The following AIG1 variants were observed in gnomAD, a reference collection of about 807,000 sequenced individuals.
AIG1 encodes the protein androgen induced 1.
A neutral mutation model predicts 31.4 loss-of-function variants in AIG1; 23 were observed. The ratio of observed to expected loss-of-function variants is 0.73; its 90% CI spans 0.53 to 1.04. The LOEUF (loss-of-function observed/expected upper bound fraction) is 1.04. AIG1 is among the 50% of genes least tolerant of loss of function. The pLI is 0.00. For synonymous variants in AIG1, 100 were observed against 110.5 expected, an observed-to-expected ratio of 0.90 and a Z score of 0.60; for missense variants, 274 against 295.0, an observed-to-expected ratio of 0.93 and a Z score of 0.52.
At chr6:143,259,956 C>T (rs534484546) in intron 3 of AIG1, among the ~76,000 whole-genome samples, 1 of 151,270 alleles carries the variant, frequency 6.6e-6, no homozygotes, top group East Asian at 1.9e-4. Context: ...GCGTATGTGG[C>T]CAAAGCTGCA....
intron 1 of AIG1, among the ~76,000 whole-genome samples, chr6:143,090,024 T>G (rs1448762480): frequency 6.6e-6 from 1 of 152,244 alleles, no homozygotes; most frequent in Non-Finnish European, 1.5e-5. Flanking sequence ...TTGTTACACA[T>G]GTGTGACCAG....
At chr6:143,097,754 T>G (rs530682025) in intron 1 of AIG1, among the ~76,000 whole-genome samples, 1 of 152,228 alleles carries the variant, frequency 6.6e-6, no homozygotes, top group East Asian at 1.9e-4. Context: ...CATGGTGACC[T>G]TGCTGCTTGT....
intron 3 of AIG1, among the ~76,000 whole-genome samples, chr6:143,213,144 C>T (rs1455381689): frequency 6.6e-6 from 1 of 152,070 alleles, no homozygotes; most frequent in Non-Finnish European, 1.5e-5. Context: ...AAGTGGAAAT[C>T]GTTTTAATGT....
At chr6:143,253,298 T>C (rs1795145902) in intron 3 of AIG1, among the ~76,000 whole-genome samples, 1 of 152,214 alleles carries the variant, frequency 6.6e-6, no homozygotes, top group African/African-American at 2.4e-5. Flanking sequence ...TCAGTATGAT[T>C]TTCTTTATAC....
intron 4 of AIG1, among the ~76,000 whole-genome samples, chr6:143,317,176 T>C (rs1775824858): frequency 6.6e-6 from 1 of 152,064 alleles, no homozygotes; most frequent in South Asian, 2.1e-4. Context: ...AGTATCACCC[T>C]AATACCAAAA....
intron 3 of AIG1, among the ~76,000 whole-genome samples, chr6:143,266,033 T>C (rs939990088): frequency 6.6e-6 from 1 of 152,168 alleles, no homozygotes; most frequent in African/African-American, 2.4e-5. Context: ...TCACAGGCGA[T>C]GATTTGAAGG....
chr6:143,190,211 CA>C (rs1789663062), intron 3 of AIG1: 1 of 985,218 alleles, frequency 1.0e-6, no homozygotes, highest in African/African-American at 1.7e-5. Context: ...AAGGAAAGTA[CA>C]ACAAAGAACA....
At position 143,327,371 on chromosome 6, in the gene AIG1, C is replaced by T. The variant is rs569543418; in HGVS notation, c.516-5911C>T. 225 of 281,216 alleles carry T rather than the reference C, an allele frequency of 8.0e-4. 2 individuals are homozygous for T. The highest frequency in any genetic ancestry group is 5.3e-3 in the Middle Eastern group (4 of 750). 17.4% of individuals were successfully genotyped at this position (281,216 alleles called of 1,614,324 possible). Reference sequence around the variant, plus strand: ...ATGATACACCATCAACATTCACAAGCGCGTCCATGGAGTGGGCTTCAAGAA... The same window carrying T: ...ATGATACACCATCAACATTCACAAGTGCGTCCATGGAGTGGGCTTCAAGAA... On this transcript the variant is annotated intron_variant, in intron 4 of 5. Transcript: ENST00000357847. This position sits in a 1 kb window ranked among gnomAD's most constrained non-coding sequence, Gnocchi z 5.3.
intron 3 of AIG1, among the ~76,000 whole-genome samples, chr6:143,226,063 C>T (rs545495720): frequency 6.6e-6 from 1 of 152,130 alleles, no homozygotes; most frequent in South Asian, 2.1e-4. Context: ...TTGTAATTGC[C>T]GGTGAATCTT....
chr6:143,210,099 G>C (rs1172643591), intron 3 of AIG1, among the ~76,000 whole-genome samples: 1 of 152,192 alleles, frequency 6.6e-6, no homozygotes, highest in Non-Finnish European at 1.5e-5. Flanking sequence ...TGCTGTTCTT[G>C]TGATAGTGAG....
chr6:143,324,605 A>G (rs1776459406), intron 4 of AIG1, among the ~76,000 whole-genome samples: 1 of 152,190 alleles, frequency 6.6e-6, no homozygotes, highest in Non-Finnish European at 1.5e-5. Flanking sequence ...TAATCTGTCT[A>G]GGCCTCAGTG....
At chr6:143,247,810 T>C (rs1794717566) in intron 3 of AIG1, among the ~76,000 whole-genome samples, 1 of 152,190 alleles carries the variant, frequency 6.6e-6, no homozygotes. Context: ...TGCCTAAAAA[T>C]AGGTTCATTG....
Position 143,061,303 on chromosome 6 carries a change from C to T in AIG1, c.141+237C>T, listed in dbSNP as rs192255596. ...GTAGCTGGGTACCCTTACCTGGCAA[C>T]TGGGGGACAAATGGAGGTGGGGCGC... On this transcript the variant is annotated intron_variant, in intron 1 of 5. Transcript: ENST00000357847. 5.4e-5 allele frequency: 35 copies of T among 649,260 alleles called. No homozygotes were observed. In the Admixed American group the frequency reaches 6.3e-4, roughly 12 times the overall value. The allele number at this position is 649,260 out of a possible 1,614,324, so 40.2% of individuals were successfully genotyped here.
chr6:143,105,014 T>G lies in AIG1; in HGVS notation c.142-31821T>G, dbSNP rs138928305. Among the ~76,000 whole-genome samples the G allele has an allele frequency of 6.0e-3, 911 of 152,304 alleles. 6 individuals carry two copies. Among genetic ancestry groups the G allele is most frequent in the African/African-American group, 0.021 (890 of 41,558 alleles). On this transcript the variant is annotated intron_variant, in intron 1 of 5. Transcript: ENST00000357847. ...CTATGCTGGGCATAAAATGGCATAT[T>G]AACAGTTAAGCTCAGGTAAGGTAAG... is the stretch of plus-strand genomic sequence containing the variant.
rs1275671956 is a variant in AIG1 at position 143,328,484 on chromosome 6, C to A, written c.516-4798C>A. On this transcript the variant is annotated intron_variant, in intron 4 of 5. Coordinates refer to ENST00000357847, the MANE Select transcript of AIG1 (RefSeq NM_016108.4). The surrounding 1 kb of genome is among the most constrained non-coding windows in gnomAD (Gnocchi z 4.0). ...AAGTTGGGGAATAATCCCTGTGTAC[C>A]CATGGCACGCCTACACTTACCCTTT... Among the ~76,000 whole-genome samples the A allele has an allele frequency of 1.3e-5, 2 of 152,128 alleles. No homozygotes were observed. The highest frequency in any genetic ancestry group is 2.4e-5 in the African/African-American group (1 of 41,422).
chr6:143,136,799 T>A, intron 1 of AIG1, 36 bp from the exon 2 acceptor site: 1 of 1,326,194 alleles, frequency 7.5e-7, no homozygotes, highest in Non-Finnish European at 9.7e-7. Flanking sequence ...GGTCTCCAGA[T>A]CTTAATGACT....
chr6:143,123,090 G>A (rs896019158), intron 1 of AIG1, among the ~76,000 whole-genome samples: 1 of 152,004 alleles, frequency 6.6e-6, no homozygotes, highest in African/African-American at 2.4e-5. Flanking sequence ...ATACTATTAT[G>A]GCATCCTTCC....
Position 143,334,040 on chromosome 6 carries a change from C to G in AIG1, c.679+595C>G. On this transcript the variant is annotated intron_variant, in intron 5 of 5. Transcript: ENST00000357847. This position sits in a 1 kb window ranked among gnomAD's most constrained non-coding sequence, Gnocchi z 5.1. Reference sequence around the variant, plus strand: ...TCGTGGCTGGAAAAACTCTTTTAACCTGTGATTTGATTTCTCTTTTGTTTC... The same window carrying G: ...TCGTGGCTGGAAAAACTCTTTTAACGTGTGATTTGATTTCTCTTTTGTTTC... 6.5e-7 allele frequency: 1 copy of G among 1,549,206 alleles called. No individual in the cohort carries two copies. The highest frequency in any genetic ancestry group is 1.2e-5 in the South Asian group (1 of 83,920).
In AIG1 at chr6:143,076,779, C is replaced by T. The variant is rs531266486; in HGVS notation, c.141+15713C>T. ...GCTCCGCTTCCTGGTTCAAGCGATT[C>T]TCCTGCCTCAGCCTCCCGAGTAGCT... is the stretch of plus-strand genomic sequence containing the variant. On this transcript the variant is annotated intron_variant, in intron 1 of 5. Coordinates refer to ENST00000357847, the MANE Select transcript of AIG1 (RefSeq NM_016108.4). Among the ~76,000 whole-genome samples the T allele has an allele frequency of 3.3e-3, 494 of 151,222 alleles. 1 individual carries two copies. Among genetic ancestry groups the T allele is most frequent in the Non-Finnish European group, 5.8e-3 (393 of 67,894 alleles).
Sources: allele counts gnomAD v4.1 joint callset (sites outside exome capture counted in the v4.1 genomes callset), GRCh38; gene constraint gnomAD v4.1.1; non-coding constraint Gnocchi (gnomAD v3.1); transcripts MANE v1.5; gene names NCBI Gene and HGNC (gene_info 2026-07-23, HGNC 2026-07-21).